MYSM1: variants seen among roughly 807,000 people sequenced by gnomAD.
MYSM1 encodes Myb like, SWIRM and MPN domains 1, also known as deubiquitinase MYSM1.
Under a neutral mutation model 116.0 loss-of-function variants are expected in MYSM1, and 51 were observed. That is an observed-to-expected ratio of 0.44 (90% CI 0.35 to 0.56). The LOEUF (loss-of-function observed/expected upper bound fraction) is 0.56, where lower values mean the gene tolerates loss of function less well. MYSM1 is among the 20% of genes least tolerant of loss of function. The probability of loss-of-function intolerance (pLI) is 0.00; values close to 1 mark genes in which losing one functional copy is unlikely to be tolerated. For missense variants in MYSM1, 900 were observed against 974.9 expected, an observed-to-expected ratio of 0.92 and a Z score of 1.02; for synonymous variants, 313 against 315.2, an observed-to-expected ratio of 0.99 and a Z score of 0.07.
Position 58,681,965 on chromosome 1 carries a change from C to T in MYSM1, c.1079G>A (p.Cys360Tyr), listed in dbSNP as rs1359797436. The change falls in exon 8 of 20, where the codon TGC becomes TAC. Residue 360 changes from cysteine to tyrosine, a missense_variant. Around this residue, in one of 3 missense-constraint regions of MYSM1, gnomAD observed 622 missense variants for 623.7 expected, o/e 1.00. Coordinates refer to ENST00000472487, the MANE Select transcript of MYSM1 (RefSeq NM_001085487.3). ...CTCATGGCTTTCCTCTACCATTTGG[C>T]AAGAATGAAAAAGCATTTCATTATC... ...LNDNEMLFHSCQMVEESHEEE... is the reference protein window; with the variant it reads ...LNDNEMLFHSYQMVEESHEEE... 6.2e-7 allele frequency: 1 copy of T among 1,614,006 alleles called. No individual in the cohort carries two copies. Among genetic ancestry groups the T allele is most frequent in the South Asian group, 1.1e-5 (1 of 91,056 alleles).
intron 1 of MYSM1, among the ~76,000 whole-genome samples, chr1:58,696,365 T>C (rs1476158578): frequency 2.6e-5 from 4 of 152,174 alleles, no homozygotes; most frequent in Admixed American, 6.5e-5. Flanking sequence ...TACCTGAATC[T>C]CCATAGGTAC....
intron 10 of MYSM1, among the ~76,000 whole-genome samples, chr1:58,674,926 CA>C (rs1223507192): frequency 0.019 from 1,091 of 58,120 alleles, 7 homozygotes; most frequent in Middle Eastern, 0.094. Flanking sequence ...GACTCTGTCT[CA>C]AAAAAAAAAA....
intron 7 of MYSM1, among the ~76,000 whole-genome samples, chr1:58,682,778 C>T (rs1028203633): frequency 6.6e-6 from 1 of 151,536 alleles, no homozygotes; most frequent in African/African-American, 2.4e-5. Context: ...CCACTGCAAG[C>T]TCCAGCTCCC....
At chr1:58,679,590 C>G (rs1014213970) in intron 8 of MYSM1, among the ~76,000 whole-genome samples, 3 of 152,146 alleles carry the variant, frequency 2.0e-5, no homozygotes, top group Non-Finnish European at 4.4e-5. Flanking sequence ...TCCTGAGTAG[C>G]TACAACTACA....
Position 58,682,411 on chromosome 1 carries a change from A to C in MYSM1, c.633T>G (p.Ala211=). The change falls in exon 8 of 20, where the codon GCT becomes GCG. Residue 211 remains alanine, a synonymous_variant. Transcript: ENST00000472487. ...LRGRADPNLN[A]VKIEKLSDDE... ...CATCAGATAACTTTTCAATTTTTAC[A>C]GCATTCAAGTTGGGATCAGCACGTC... 1 of 1,614,172 alleles carries C rather than the reference A, an allele frequency of 6.2e-7. No homozygotes were observed. Among genetic ancestry groups the C allele is most frequent in the South Asian group, 1.1e-5 (1 of 91,088 alleles).
chr1:58,672,314 T>C (rs1160940839), intron 11 of MYSM1, among the ~76,000 whole-genome samples: 1 of 152,104 alleles, frequency 6.6e-6, no homozygotes, highest in Non-Finnish European at 1.5e-5. Context: ...TGAGAGACAG[T>C]GCAGAGTAAT....
At chr1:58,690,283 T>C (rs1297619912) in intron 4 of MYSM1, 34 bp from the exon 5 acceptor site, 1 of 1,584,252 alleles carries the variant, frequency 6.3e-7, no homozygotes, top group Admixed American at 1.8e-5. Flanking sequence ...TAAGGAAGCG[T>C]GTGAGGTTTC....
rs554948891 is a variant in MYSM1, at chr1:58,679,534, C to T, written c.1259+2251G>A. ...TGTACAGTGGCATGATCCCACCTCA[C>T]TGCAGCTTCAAACTCCTGGGCTCAA... On this transcript the variant is annotated intron_variant, in intron 8 of 19. Coordinates refer to ENST00000472487, the MANE Select transcript of MYSM1 (RefSeq NM_001085487.3). 2.5e-3 allele frequency among the ~76,000 whole-genome samples: 376 copies of T among 152,310 alleles called. 3 individuals are homozygous for T. The highest frequency in any genetic ancestry group is 8.6e-3 in the African/African-American group (357 of 41,566).
chr1:58,694,668 C>T (rs902054357), intron 2 of MYSM1, among the ~76,000 whole-genome samples: 1 of 151,868 alleles, frequency 6.6e-6, no homozygotes, highest in African/African-American at 2.4e-5. Flanking sequence ...TGTGACAATC[C>T]CATTTTTTTT....
At chr1:58,660,205 T>C in intron 19 of MYSM1, 50 bp from the exon 20 acceptor site, 1 of 1,224,650 alleles carries the variant, frequency 8.2e-7, no homozygotes. Context: ...AGTATGAGGG[T>C]TTGCATTACT....
chr1:58,670,819 T>C (rs1644549582), intron 12 of MYSM1, among the ~76,000 whole-genome samples: 2 of 152,200 alleles, frequency 1.3e-5, no homozygotes, highest in South Asian at 2.1e-4. Flanking sequence ...GAAATGTTAA[T>C]GATACAGTGC....
intron 5 of MYSM1, among the ~76,000 whole-genome samples, chr1:58,689,823 T>C (rs1212268136): frequency 6.6e-6 from 1 of 152,192 alleles, no homozygotes; most frequent in South Asian, 2.1e-4. Flanking sequence ...AAAGGATATT[T>C]TTAAAATAGT....
At chr1:58,664,557 A>C (rs232786) in intron 17 of MYSM1, among the ~76,000 whole-genome samples, 41,133 of 152,120 alleles carry the variant, frequency 0.27, 6,421 homozygotes, top group African/African-American at 0.42. Context: ...CAGATACATA[A>C]AGAATAAAGC....
At position 58,656,917 on chromosome 1, in the gene MYSM1, T is replaced by A. The variant is rs1644326216; in HGVS notation, c.*3080A>T. 1 of 152,164 alleles carries A rather than the reference T, an allele frequency of 6.6e-6. No homozygotes were observed. The highest frequency in any genetic ancestry group is 2.1e-4 in the South Asian group (1 of 4,838). The allele number at this position is 152,164 out of a possible 1,614,324, so 9.4% of individuals were successfully genotyped here. ...TATTAATACATTCATTTCATACAGA[T>A]ACAATTGTAAAATATCACTTTTAAT... On this transcript the variant is annotated 3_prime_UTR_variant, in exon 20 of 20. Coordinates refer to ENST00000472487, the MANE Select transcript of MYSM1 (RefSeq NM_001085487.3).
intron 8 of MYSM1, among the ~76,000 whole-genome samples, chr1:58,677,775 TGA>T (rs967837235): frequency 3.3e-5 from 5 of 152,178 alleles, no homozygotes; most frequent in Non-Finnish European, 5.9e-5. Context: ...ATTATTGTGC[TGA>T]GTTACACATC....
At chr1:58,691,153 G>C (rs12755615) in intron 3 of MYSM1, among the ~76,000 whole-genome samples, 85,316 of 151,824 alleles carry the variant, frequency 0.56, 24,230 homozygotes, top group East Asian at 0.62. Flanking sequence ...GGTGGCGGGC[G>C]CCTGTAGTCC....
intron 9 of MYSM1, among the ~76,000 whole-genome samples, chr1:58,675,902 G>A (rs146895838): frequency 6.6e-6 from 1 of 152,164 alleles, no homozygotes; most frequent in African/African-American, 2.4e-5. Context: ...AATATTCAAG[G>A]CTTTGGGAAA....
Position 58,668,645 on chromosome 1 carries a change from A to G in MYSM1, c.1754T>C (p.Leu585Ser). The G allele has an allele frequency of 1.2e-6, 2 of 1,605,644 alleles. No homozygotes were observed. Among genetic ancestry groups the G allele is most frequent in the South Asian group, 2.2e-5 (2 of 89,472 alleles). ...FQVKVASEAL[L>S]IMDLHAHVSM... Reference sequence around the variant, plus strand: ...GATTATCCTTACCAAATCCATTATTAAAAGTGCTTCTGAAGCCACTTTCAC... The same window carrying G: ...GATTATCCTTACCAAATCCATTATTGAAAGTGCTTCTGAAGCCACTTTCAC... Residue 585 changes from leucine to serine, a missense_variant, in exon 14 of 20, where the codon TTA becomes TCA. Transcript: ENST00000472487.
chr1:58,675,456 CTG>C lies in MYSM1; in HGVS notation c.1494+19_1494+20del. The C allele has an allele frequency of 6.4e-7, 1 of 1,562,268 alleles. No individual in the cohort carries two copies. Among genetic ancestry groups the C allele is most frequent in the Non-Finnish European group, 8.8e-7 (1 of 1,137,180 alleles). ...AGTAAGCAGCAATGTGGAGAGATCA[CTG>C]AGAGAGATGACTGCTTACCATAGAC... On this transcript the variant is annotated intron_variant, in intron 10 of 19. Transcript: ENST00000472487.
Sources: gnomAD v4.1 joint callset for allele counts (sites outside exome capture counted in the v4.1 genomes callset) on GRCh38, gnomAD v4.1.1 for gene constraint, gnomAD v4.1.1 regional missense constraint, MANE v1.5 for transcripts, NCBI Gene and HGNC (gene_info 2026-07-23, HGNC 2026-07-21) for gene names.